Variants in LDB3 observed in about 807,000 individuals in gnomAD.
The protein encoded by LDB3 is LIM domain binding 3.
In LDB3, 49 loss-of-function variants were observed where a neutral mutation model predicts 69.0. That is an observed-to-expected ratio of 0.71 (90% CI 0.56 to 0.90). LDB3 has a LOEUF of 0.90. Among genes scored for constraint, LDB3 ranks in the 40% least tolerant of loss-of-function variants. LDB3 has a pLI of 0.00. For synonymous variants in LDB3, 387 were observed against 396.2 expected (o/e 0.98, Z 0.28); for missense variants, 928 against 974.1 (o/e 0.95, Z 0.63).
intron 2 of LDB3, among the ~76,000 whole-genome samples, 164 bp from the exon 3 acceptor site, chr10:86,679,203 G>A (rs781557298): frequency 1.4e-4 from 22 of 152,182 alleles, no homozygotes; most frequent in East Asian, 3.8e-4. Flanking sequence ...GTCATGTGCC[G>A]GAAAGAGGAA....
chr10:86,685,537 C>T lies in LDB3; in HGVS notation c.689+3734C>T, dbSNP rs919965612. ...CCCGGCTCTGAGTTCTCCCTCCTCA[C>T]TCCTTGCTCTCCTCACCCATTGCGG... On this transcript the variant is annotated intron_variant, in intron 5 of 13. Transcript: ENST00000361373. 15 of 822,524 alleles carry T rather than the reference C, an allele frequency of 1.8e-5. No individual in the cohort carries two copies. In the East Asian group the frequency reaches 3.6e-4, roughly 20 times the overall value. The allele number at this position is 822,524 out of a possible 1,614,324, so 51.0% of individuals were successfully genotyped here.
intron 13 of LDB3, among the ~76,000 whole-genome samples, chr10:86,728,743 G>A (rs1253673710): frequency 1.3e-5 from 2 of 151,828 alleles, no homozygotes; most frequent in Admixed American, 1.3e-4. Context: ...CACCACACCT[G>A]GCTAATTTTT....
intron 13 of LDB3, among the ~76,000 whole-genome samples, chr10:86,731,651 C>G (rs1477988906): frequency 1.3e-5 from 2 of 152,136 alleles, no homozygotes; most frequent in Non-Finnish European, 2.9e-5. Flanking sequence ...TTTTGTTGTT[C>G]TGCAGAGTTG....
rs752301693 is a variant in LDB3, at chr10:86,716,307, GT to G, written c.1232-12del. ...GAATTCCTGACACACCTTTCTTTGGGTTTTTTTTGGCTTTTGCAGTGCCTGC... is the reference window on the plus strand; with the variant it reads ...GAATTCCTGACACACCTTTCTTTGGGTTTTTTTGGCTTTTGCAGTGCCTGC... On this transcript the variant is annotated intron_variant, in intron 9 of 13. Transcript: ENST00000361373. 6.8e-6 allele frequency: 11 copies of G among 1,610,402 alleles called. No homozygotes were observed. Among genetic ancestry groups the G allele is most frequent in the Non-Finnish European group, 9.3e-6 (11 of 1,179,082 alleles).
At chr10:86,670,885 T>C (rs553400856) in intron 2 of LDB3, among the ~76,000 whole-genome samples, 33 of 152,330 alleles carry the variant, frequency 2.2e-4, no homozygotes, top group Admixed American at 7.8e-4. Context: ...AGGCTGCTGA[T>C]AGCCTGGGCT....
intron 12 of LDB3, 24 bp downstream of exon 12, chr10:86,718,871 G>A (rs45472494): frequency 3.1e-6 from 5 of 1,613,642 alleles, no homozygotes; most frequent in East Asian, 2.2e-5. Context: ...GATGGCATGT[G>A]GGGAGGCCCC....
intron 13 of LDB3, among the ~76,000 whole-genome samples, chr10:86,730,636 A>G (rs1847421952): frequency 6.6e-6 from 1 of 152,248 alleles, no homozygotes; most frequent in African/African-American, 2.4e-5. Context: ...CTGTGACTTA[A>G]GGAAGACGTA....
chr10:86,715,477 C>A (rs114790092), intron 9 of LDB3, among the ~76,000 whole-genome samples: 1 of 152,128 alleles, frequency 6.6e-6, no homozygotes, highest in South Asian at 2.1e-4. Context: ...GAGCCCAAAA[C>A]GTTTTTCTGC....
chr10:86,731,041 G>A (rs528680608), intron 13 of LDB3, among the ~76,000 whole-genome samples: 3 of 151,454 alleles, frequency 2.0e-5, no homozygotes, highest in African/African-American at 7.3e-5. Context: ...TGTAATCCCA[G>A]CTACTAGGGA....
intron 13 of LDB3, among the ~76,000 whole-genome samples, chr10:86,727,824 T>C (rs2132506682): frequency 6.6e-6 from 1 of 150,552 alleles, no homozygotes; most frequent in East Asian, 2.1e-4. Flanking sequence ...TGTCTCTGTG[T>C]GGGTCTCCTT....
intron 5 of LDB3, 95 bp from the exon 6 acceptor site, chr10:86,691,801 G>T: frequency 7.1e-7 from 1 of 1,408,282 alleles, no homozygotes; most frequent in Middle Eastern, 1.8e-4. Flanking sequence ...GGGACAGAAC[G>T]ATAGGGGCCA....
intron 12 of LDB3, among the ~76,000 whole-genome samples, chr10:86,721,980 A>G (rs1379951189): frequency 6.6e-6 from 1 of 152,220 alleles, no homozygotes; most frequent in Non-Finnish European, 1.5e-5. Context: ...GAAATAAAGG[A>G]AGGAATAAAT....
chr10:86,712,393 C>T (rs1285563157), intron 9 of LDB3, among the ~76,000 whole-genome samples: 1 of 152,140 alleles, frequency 6.6e-6, no homozygotes, highest in Non-Finnish European at 1.5e-5. Context: ...GAAAGGTGGG[C>T]CAGGGCCCTG....
intron 5 of LDB3, among the ~76,000 whole-genome samples, chr10:86,684,427 C>T (rs1333531591): frequency 6.6e-6 from 1 of 152,264 alleles, no homozygotes; most frequent in Non-Finnish European, 1.5e-5. Context: ...CAACACTGCC[C>T]TCTGCAGGGG....
At chr10:86,679,251 T>C in intron 2 of LDB3, 116 bp from the exon 3 acceptor site, 1 of 1,333,250 alleles carries the variant, frequency 7.5e-7, no homozygotes. Context: ...CCGTAGCGAA[T>C]GAAAAACACA....
At chr10:86,711,654 G>A (rs1846671618) in intron 9 of LDB3, among the ~76,000 whole-genome samples, 1 of 151,770 alleles carries the variant, frequency 6.6e-6, no homozygotes, top group African/African-American at 2.4e-5. Context: ...CGCAGCCGCA[G>A]CTCCCCCCGG....
At chr10:86,692,654 G>A (rs779739622) in intron 7 of LDB3, 83 bp downstream of exon 7, 38 of 1,220,650 alleles carry the variant, frequency 3.1e-5, no homozygotes, top group Non-Finnish European at 4.4e-5. Context: ...ATCACTCATG[G>A]AAGGGACCTC....
At chr10:86,694,630 T>G (rs1355246900) in intron 7 of LDB3, among the ~76,000 whole-genome samples, 1 of 152,204 alleles carries the variant, frequency 6.6e-6, no homozygotes, top group East Asian at 1.9e-4. Flanking sequence ...GTTATCCTCG[T>G]GGGCAGAGCC....
At chr10:86,728,832 G>A (rs1338804486) in intron 13 of LDB3, among the ~76,000 whole-genome samples, 4 of 151,920 alleles carry the variant, frequency 2.6e-5, no homozygotes, top group African/African-American at 9.6e-5. Flanking sequence ...CACCCACCTC[G>A]GCCTCCCAAA....
Sources: gnomAD v4.1 joint callset for allele counts (sites outside exome capture counted in the v4.1 genomes callset) on GRCh38, gnomAD v4.1.1 for gene constraint, MANE v1.5 for transcripts, NCBI Gene and HGNC (gene_info 2026-07-23, HGNC 2026-07-21) for gene names.